The following MYLK variants were observed in gnomAD, a reference collection of about 807,000 sequenced individuals.
MYLK encodes myosin light chain kinase, smooth muscle.
Under a neutral mutation model 203.4 loss-of-function variants are expected in MYLK, and 106 were observed. That is an observed-to-expected ratio of 0.52 (90% confidence interval 0.45 to 0.61). The LOEUF (loss-of-function observed/expected upper bound fraction) is 0.61, where lower values mean the gene tolerates loss of function less well. Ranked by LOEUF, MYLK falls within the 20% of genes least tolerant of loss-of-function variation. The pLI is 0.00. For synonymous variants in MYLK, 867 were observed against 959.5 expected, an observed-to-expected ratio of 0.90 and a Z score of 1.78; for missense variants, 2,072 against 2,442.3, an observed-to-expected ratio of 0.85 and a Z score of 3.20.
chr3:123,804,240 T>C (rs2109182853), intron 3 of MYLK, among the ~76,000 whole-genome samples: 1 of 152,268 alleles, frequency 6.6e-6, no homozygotes, highest in Non-Finnish European at 1.5e-5. Context: ...AACAGAAATC[T>C]TGCAGGGGGC....
At chr3:123,754,620 C>A (rs2063307035) in intron 4 of MYLK, among the ~76,000 whole-genome samples, 1 of 152,176 alleles carries the variant, frequency 6.6e-6, no homozygotes, top group South Asian at 2.1e-4. Context: ...TGCACAGGGT[C>A]TCACAGCCAC....
At chr3:123,632,942 C>A (rs1239822730) in intron 29 of MYLK, among the ~76,000 whole-genome samples, 3 of 151,460 alleles carry the variant, frequency 2.0e-5, no homozygotes, top group African/African-American at 7.3e-5. Context: ...ACCACAGGTG[C>A]GCGCCAACAC....
intron 3 of MYLK, among the ~76,000 whole-genome samples, chr3:123,824,061 C>T (rs941196602): frequency 3.9e-5 from 6 of 152,024 alleles, no homozygotes; most frequent in African/African-American, 1.2e-4. Context: ...TCTCTTCATC[C>T]CCTTATGCTC....
chr3:123,750,446 G>C (rs2063158041), intron 5 of MYLK, among the ~76,000 whole-genome samples: 1 of 152,026 alleles, frequency 6.6e-6, no homozygotes, highest in Admixed American at 6.6e-5. Flanking sequence ...CTCACTTCCT[G>C]AACAGTAGGG....
intron 19 of MYLK, among the ~76,000 whole-genome samples, chr3:123,691,093 T>C (rs1031832286): frequency 6.6e-6 from 1 of 152,202 alleles, no homozygotes; most frequent in Admixed American, 6.5e-5. Flanking sequence ...CAGCTAGCCA[T>C]GTAAACAGGA....
chr3:123,769,584 C>T (rs1163816399), intron 4 of MYLK, among the ~76,000 whole-genome samples: 2 of 152,354 alleles, frequency 1.3e-5, no homozygotes, highest in South Asian at 2.1e-4. Context: ...ACTTCAGAGA[C>T]ACCTTTGTTG....
At chr3:123,877,138 A>T (rs2033200822) in intron 1 of MYLK, among the ~76,000 whole-genome samples, 1 of 152,324 alleles carries the variant, frequency 6.6e-6, no homozygotes, top group East Asian at 1.9e-4. Flanking sequence ...GGTGAGGATG[A>T]ACTCACAGTC....
chr3:123,790,916 A>C (rs1296558030), intron 4 of MYLK, among the ~76,000 whole-genome samples: 14 of 152,166 alleles, frequency 9.2e-5, no homozygotes, highest in Admixed American at 6.5e-5. Context: ...AGAGGCCAGG[A>C]AGAAGATTCC....
chr3:123,685,693 T>C (rs1355951479), intron 19 of MYLK, among the ~76,000 whole-genome samples: 1 of 151,998 alleles, frequency 6.6e-6, no homozygotes, highest in South Asian at 2.1e-4. Flanking sequence ...CTTACCTCCT[T>C]CTGAATCAGC....
chr3:123,762,414 A>G (rs1227963201), intron 4 of MYLK, among the ~76,000 whole-genome samples: 1 of 151,768 alleles, frequency 6.6e-6, no homozygotes, highest in African/African-American at 2.4e-5. Flanking sequence ...TATTTTTGGT[A>G]AAGATGGGGT....
intron 13 of MYLK, among the ~76,000 whole-genome samples, chr3:123,712,244 T>C (rs1488925595): frequency 6.6e-6 from 1 of 152,224 alleles, no homozygotes; most frequent in Admixed American, 6.5e-5. Context: ...ATCTCGTTTC[T>C]CTCACTAGGC....
At chr3:123,805,656 G>A (rs1039375180) in intron 3 of MYLK, among the ~76,000 whole-genome samples, 8 of 152,220 alleles carry the variant, frequency 5.3e-5, no homozygotes, top group African/African-American at 1.9e-4. Flanking sequence ...AGGAAGCACA[G>A]TGGTGACTGC....
intron 20 of MYLK, among the ~76,000 whole-genome samples, chr3:123,669,861 C>A (rs1296983930): frequency 1.3e-5 from 2 of 151,548 alleles, no homozygotes; most frequent in African/African-American, 4.9e-5. Context: ...ATGGCAAAAC[C>A]CCATCTCTAC....
chr3:123,796,352 C>G (rs1434842529), intron 3 of MYLK, among the ~76,000 whole-genome samples: 1 of 152,134 alleles, frequency 6.6e-6, no homozygotes, highest in Non-Finnish European at 1.5e-5. Flanking sequence ...TGAACCCAAG[C>G]ACCTGGCGCC....
chr3:123,748,788 A>C (rs2063099103), intron 5 of MYLK, among the ~76,000 whole-genome samples: 1 of 152,162 alleles, frequency 6.6e-6, no homozygotes, highest in South Asian at 2.1e-4. Context: ...TAAATACATA[A>C]GGCCGGGCAC....
At chr3:123,850,217 T>C (rs928507894) in intron 2 of MYLK, among the ~76,000 whole-genome samples, 4 of 152,230 alleles carry the variant, frequency 2.6e-5, no homozygotes, top group African/African-American at 9.7e-5. Context: ...TGTGCATGTG[T>C]CTTTATAGCA....
chr3:123,770,415 T>C (rs1395896328), intron 4 of MYLK, among the ~76,000 whole-genome samples: 2 of 152,192 alleles, frequency 1.3e-5, no homozygotes, highest in African/African-American at 2.4e-5. Flanking sequence ...ACAAAATTAG[T>C]GTGGAAGGGC....
rs564792567 is a variant in MYLK, at chr3:123,666,226, C to T, written c.3824G>A (p.Arg1275Gln). The T allele has an allele frequency of 9.3e-6, 15 of 1,614,212 alleles. No individual in the cohort carries two copies. The highest frequency in any genetic ancestry group is 4.4e-5 in the South Asian group (4 of 91,090). ...CCCCATACCGTCACTGACCTGCTTTCGGAACTTCATCCAGGTACAGGTGAT... is the reference window on the plus strand; with the variant it reads ...CCCCATACCGTCACTGACCTGCTTTTGGAACTTCATCCAGGTACAGGTGAT... ...QPITCTWMKF[R>Q]KQIQESEHMK... The change falls in exon 22 of 34, where the codon CGA becomes CAA. Residue 1275 changes from arginine (R) to glutamine (Q), a missense_variant. Physicochemically the swap from Arg to Gln is conservative, Grantham distance 43. Transcript: ENST00000360304.
chr3:123,620,852 A>G (rs2057816666), intron 31 of MYLK: 1 of 165,682 alleles, frequency 6.0e-6, no homozygotes. Context: ...AAGTCACTTA[A>G]CCACTCTGAG....
Sources: allele counts gnomAD v4.1 joint callset (sites outside exome capture counted in the v4.1 genomes callset), GRCh38; gene constraint gnomAD v4.1.1; transcripts MANE v1.5; gene names NCBI Gene and HGNC (gene_info 2026-07-23, HGNC 2026-07-21).